Variants in MAP2K5 observed in about 807,000 individuals in gnomAD.
The protein encoded by MAP2K5 is dual specificity mitogen-activated protein kinase kinase 5.
In MAP2K5, 49 loss-of-function variants were observed where a neutral mutation model predicts 83.1. The observed-to-expected ratio is 0.59, with a 90% CI of 0.47 to 0.75. MAP2K5 has a LOEUF of 0.75. MAP2K5 is among the 30% of genes least tolerant of loss of function. The pLI is 0.00. For synonymous variants in MAP2K5, 202 were observed against 191.8 expected (o/e 1.05, Z -0.44); for missense variants, 457 against 557.5 (o/e 0.82, Z 1.82).
chr15:67,769,915 C>T lies in MAP2K5; in HGVS notation c.1196+252C>T. On this transcript the variant is annotated intron_variant, in intron 20 of 21. Coordinates refer to ENST00000178640, the MANE Select transcript of MAP2K5 (RefSeq NM_145160.3). This position sits in a 1 kb window ranked among gnomAD's most constrained non-coding sequence, Gnocchi z 5.2. ...TAAACTGCTGAAAGTCATGATACTT[C>T]TTTAAGCACAAATACTGTTGCCATC... The T allele has an allele frequency of 2.6e-6, 1 of 380,098 alleles. No homozygotes were observed. 23.5% of individuals were successfully genotyped at this position (380,098 alleles called of 1,614,324 possible).
chr15:67,728,193 G>GT (rs113899908), intron 17 of MAP2K5, among the ~76,000 whole-genome samples: 3 of 151,782 alleles, frequency 2.0e-5, no homozygotes, highest in Non-Finnish European at 4.4e-5. Flanking sequence ...ATTCGGGATT[G>GT]TTTTTTTTCC....
At chr15:67,704,029 T>C (rs962770743) in intron 16 of MAP2K5, among the ~76,000 whole-genome samples, 25 of 152,162 alleles carry the variant, frequency 1.6e-4, no homozygotes, top group African/African-American at 5.8e-4. Flanking sequence ...TCTTTATAGC[T>C]GTATTTAGAA....
intron 21 of MAP2K5, 135 bp downstream of exon 21, chr15:67,772,887 G>A (rs1301391310): frequency 1.7e-6 from 1 of 590,378 alleles, no homozygotes; most frequent in East Asian, 3.2e-5. Flanking sequence ...CATTTGGGTA[G>A]ATGTTTTTGA....
chr15:67,635,315 C>T (rs1316535185), intron 9 of MAP2K5, among the ~76,000 whole-genome samples: 6 of 151,536 alleles, frequency 4.0e-5, no homozygotes. Flanking sequence ...GCTGGGACTA[C>T]AGGCGCCTGC....
chr15:67,653,718 T>C (rs1053033593), intron 11 of MAP2K5, among the ~76,000 whole-genome samples: 2 of 152,122 alleles, frequency 1.3e-5, no homozygotes, highest in African/African-American at 4.8e-5. Flanking sequence ...TTTTTCTGCT[T>C]TCTTTGAGTT....
Position 67,698,942 on chromosome 15 carries a change from A to G in MAP2K5, c.973-4395A>G, listed in dbSNP as rs1457754609. Among the ~76,000 whole-genome samples, 1 of 152,188 alleles carries G rather than the reference A, an allele frequency of 6.6e-6. No individual in the cohort carries two copies. Among genetic ancestry groups the G allele is most frequent in the Non-Finnish European group, 1.5e-5 (1 of 68,028 alleles). On this transcript the variant is annotated intron_variant, in intron 15 of 21. Transcript: ENST00000178640. This position sits in a 1 kb window ranked among gnomAD's most constrained non-coding sequence, Gnocchi z 4.5. ...AACCCCAGGAGGTATACGTATTACT[A>G]CTATTATTTATTATTACTCTCTTCA...
At position 67,542,966 on chromosome 15, in the gene MAP2K5, G is replaced by C; in HGVS notation, c.-370G>C. 1 of 247,474 alleles carries C rather than the reference G, an allele frequency of 4.0e-6. No homozygotes were observed. Among genetic ancestry groups the C allele is most frequent in the Non-Finnish European group, 8.0e-6 (1 of 124,696 alleles). The allele number at this position is 247,474 out of a possible 1,614,324, so 15.3% of individuals were successfully genotyped here. Reference sequence around the variant, plus strand: ...CACTGACGAGCGGTGGACACCTGCCGCTGTATCTCCCCCAAACCGAGTCCT... The same window carrying C: ...CACTGACGAGCGGTGGACACCTGCCCCTGTATCTCCCCCAAACCGAGTCCT... On this transcript the variant is annotated 5_prime_UTR_variant, in exon 1 of 22. Coordinates refer to ENST00000178640, the MANE Select transcript of MAP2K5 (RefSeq NM_145160.3).
chr15:67,719,259 G>A lies in MAP2K5; in HGVS notation c.1045-8657G>A, dbSNP rs891420457. On this transcript the variant is annotated intron_variant, in intron 16 of 21. Transcript: ENST00000178640. This position sits in a 1 kb window ranked among gnomAD's most constrained non-coding sequence, Gnocchi z 4.6. ...AGTGATACGTAAGAGGGCCTTGTCG[G>A]TTAAGACCATCAGATCCTAATACTA... Among the ~76,000 whole-genome samples, 5 of 152,188 alleles carry A rather than the reference G, an allele frequency of 3.3e-5. No individual in the cohort carries two copies. Among genetic ancestry groups the A allele is most frequent in the Middle Eastern group, 3.2e-3 (1 of 316 alleles).
At chr15:67,788,680 T>G (rs1380664124) in intron 21 of MAP2K5, among the ~76,000 whole-genome samples, 1 of 152,178 alleles carries the variant, frequency 6.6e-6, no homozygotes, top group African/African-American at 2.4e-5. Context: ...GTTTTTAAAT[T>G]ATGATTAAAA....
At chr15:67,728,917 A>G (rs2089162518) in intron 17 of MAP2K5, among the ~76,000 whole-genome samples, 1 of 152,240 alleles carries the variant, frequency 6.6e-6, no homozygotes, top group Non-Finnish European at 1.5e-5. Context: ...CAATGTGGAC[A>G]TTTAAAGACC....
chr15:67,666,345 A>G (rs2087378126), intron 13 of MAP2K5, among the ~76,000 whole-genome samples: 2 of 152,182 alleles, frequency 1.3e-5, no homozygotes, highest in Admixed American at 1.3e-4. Flanking sequence ...TGATAAGTTG[A>G]TGTACCTTTT....
At chr15:67,630,200 TTCC>T (rs1840461770) in intron 8 of MAP2K5, among the ~76,000 whole-genome samples, 1 of 152,216 alleles carries the variant, frequency 6.6e-6, no homozygotes, top group Admixed American at 6.5e-5. Context: ...TGCCACTGTG[TTCC>T]AGCCTAGGTG....
chr15:67,731,953 TC>T (rs1566945540), intron 17 of MAP2K5, among the ~76,000 whole-genome samples: 1 of 152,122 alleles, frequency 6.6e-6, no homozygotes. Flanking sequence ...ATTCCCCAGA[TC>T]CCACTTGCTT....
At chr15:67,693,065 A>G (rs2088156494) in intron 14 of MAP2K5, among the ~76,000 whole-genome samples, 1 of 152,202 alleles carries the variant, frequency 6.6e-6, no homozygotes, top group South Asian at 2.1e-4. Flanking sequence ...CCAAACACGA[A>G]GACCAAAGCG....
At chr15:67,679,171 G>A (rs955265226) in intron 13 of MAP2K5, among the ~76,000 whole-genome samples, 1 of 152,150 alleles carries the variant, frequency 6.6e-6, no homozygotes, top group Non-Finnish European at 1.5e-5. Flanking sequence ...GGCAGTGGGC[G>A]GAGGAGCCCT....
chr15:67,637,418 C>T lies in MAP2K5; in HGVS notation c.585+6491C>T, dbSNP rs777331748. ...TGGTTAGTCTAGAACTAATTTTCCC[C>T]GTGCAGCAGAGGTAGTACTCTTCTG... On this transcript the variant is annotated intron_variant, in intron 9 of 21. Transcript: ENST00000178640. This position sits in a 1 kb window ranked among gnomAD's most constrained non-coding sequence, Gnocchi z 4.5. Among the ~76,000 whole-genome samples, 6 of 152,138 alleles carry T rather than the reference C, an allele frequency of 3.9e-5. No homozygotes were observed. Among genetic ancestry groups the T allele is most frequent in the South Asian group, 4.1e-4 (2 of 4,828 alleles).
intron 15 of MAP2K5, among the ~76,000 whole-genome samples, chr15:67,696,557 C>T (rs1212915246): frequency 6.6e-6 from 1 of 152,190 alleles, no homozygotes; most frequent in East Asian, 1.9e-4. Context: ...ATCTTCTATG[C>T]TGTTAGGTAC....
At chr15:67,733,163 A>G (rs2089261142) in intron 17 of MAP2K5, among the ~76,000 whole-genome samples, 1 of 152,196 alleles carries the variant, frequency 6.6e-6, no homozygotes, top group South Asian at 2.1e-4. Context: ...TCAGAAGTTA[A>G]TGGAGTTTTT....
rs2084335586 is a variant in MAP2K5 at position 67,543,439 on chromosome 15, C to G, written c.104C>G (p.Ser35Cys). Residue 35 changes from serine (S) to cysteine (C), a missense_variant, in exon 1 of 22, where the codon TCC (serine) becomes TGC (cysteine). Around this residue, in one of 3 missense-constraint regions of MAP2K5, gnomAD observed 234 missense variants for 243.6 expected, o/e 0.96. Coordinates refer to ENST00000178640, the MANE Select transcript of MAP2K5 (RefSeq NM_145160.3). This position sits in a 1 kb window ranked among gnomAD's most constrained non-coding sequence, Gnocchi z 4.3. ...NSGAVDWTVH[S>C]GPQLLFRDVL... ...GGCGCGGTGGACTGGACAGTGCACTCCGGGCCGCAGTTACTCTTCAGGGAT... is the reference window on the plus strand; with the variant it reads ...GGCGCGGTGGACTGGACAGTGCACTGCGGGCCGCAGTTACTCTTCAGGGAT... The G allele has an allele frequency of 1.9e-6, 3 of 1,614,008 alleles. No individual in the cohort carries two copies. The highest frequency in any genetic ancestry group is 2.5e-6 in the Non-Finnish European group (3 of 1,180,034).
Sources: allele counts gnomAD v4.1 joint callset (sites outside exome capture counted in the v4.1 genomes callset), GRCh38; gene constraint gnomAD v4.1.1; regional missense constraint gnomAD v4.1.1; non-coding constraint Gnocchi (gnomAD v3.1); transcripts MANE v1.5; gene names NCBI Gene and HGNC (gene_info 2026-07-23, HGNC 2026-07-21).